ZFAT: variants seen among roughly 807,000 people sequenced by gnomAD.
ZFAT encodes the protein zinc finger protein ZFAT.
Under a neutral mutation model 117.7 loss-of-function variants are expected in ZFAT, and 64 were observed. The observed-to-expected ratio is 0.54, with a 90% confidence interval of 0.44 to 0.67. ZFAT has a LOEUF of 0.67. Among genes scored for constraint, ZFAT ranks in the 30% least tolerant of loss-of-function variants. The probability of loss-of-function intolerance (pLI) is 0.00; values close to 1 mark genes in which losing one functional copy is unlikely to be tolerated. For missense variants in ZFAT, 1,433 were observed against 1,584.5 expected, an observed-to-expected ratio of 0.90 and a Z score of 1.62; for synonymous variants, 679 against 615.0, an observed-to-expected ratio of 1.10 and a Z score of -1.54.
the ZFAT span, among the ~76,000 whole-genome samples, chr8:134,802,456 G>C: frequency 8.5e-5 from 13 of 152,336 alleles, no homozygotes; most frequent in Admixed American, 3.3e-4. Context: ...TCAAGCCCAT[G>C]ACTCATGTAG....
chr8:134,698,512 G>A (rs1207285140), intron 1 of ZFAT, among the ~76,000 whole-genome samples: 1 of 152,124 alleles, frequency 6.6e-6, no homozygotes, highest in East Asian at 1.9e-4. Context: ...CAATAATAAA[G>A]AATGCCCTGA....
At chr8:134,694,969 A>C (rs894396421) in intron 1 of ZFAT, among the ~76,000 whole-genome samples, 9 of 152,276 alleles carry the variant, frequency 5.9e-5, no homozygotes, top group African/African-American at 2.2e-4. Context: ...ACATCTCCAC[A>C]TTGGAAAAAA....
intron 5 of ZFAT, among the ~76,000 whole-genome samples, chr8:134,604,888 T>A (rs1164975386): frequency 6.6e-6 from 1 of 152,188 alleles, no homozygotes; most frequent in Non-Finnish European, 1.5e-5. Context: ...CAGAAGGTGA[T>A]ACATATTATT....
the ZFAT span, chr8:134,794,381 C>A: frequency 1.3e-5 from 2 of 152,190 alleles, no homozygotes; most frequent in Non-Finnish European, 2.9e-5. Context: ...GGTATAAGTT[C>A]AAATCCCAGG....
the ZFAT span, among the ~76,000 whole-genome samples, chr8:134,727,277 C>T: frequency 2.8e-4 from 43 of 152,222 alleles, no homozygotes; most frequent in African/African-American, 9.6e-4. Context: ...TAAGAAGGAG[C>T]CAGGCTGGTG....
chr8:134,561,663 C>T (rs1824059966), intron 11 of ZFAT, among the ~76,000 whole-genome samples: 1 of 152,220 alleles, frequency 6.6e-6, no homozygotes, highest in East Asian at 1.9e-4. Flanking sequence ...GTAAATTGTA[C>T]ATCTACATCT....
chr8:134,818,490 T>C, the ZFAT span, among the ~76,000 whole-genome samples: 1 of 152,202 alleles, frequency 6.6e-6, no homozygotes, highest in Non-Finnish European at 1.5e-5. Flanking sequence ...CTGGTGGGAA[T>C]GTAAAATGGT....
At chr8:134,817,412 C>CACACAA in the ZFAT span, among the ~76,000 whole-genome samples, 1 of 115,428 alleles carries the variant, frequency 8.7e-6, no homozygotes, top group African/African-American at 2.9e-5. Context: ...CACACACACA[C>CACACAA]ACACACACAC....
the ZFAT span, among the ~76,000 whole-genome samples, chr8:134,761,028 C>T: frequency 6.6e-6 from 1 of 152,166 alleles, no homozygotes; most frequent in Admixed American, 6.5e-5. Flanking sequence ...CTTTCCTGGT[C>T]TTTTATCTTA....
At chr8:134,496,031 C>T (rs769688881) in intron 15 of ZFAT, among the ~76,000 whole-genome samples, 2 of 152,178 alleles carry the variant, frequency 1.3e-5, no homozygotes, top group African/African-American at 2.4e-5. Flanking sequence ...TAAATGGAAG[C>T]GACCAGAAGC....
chr8:134,669,147 G>A (rs1006825892), intron 1 of ZFAT, among the ~76,000 whole-genome samples: 4 of 152,172 alleles, frequency 2.6e-5, no homozygotes, highest in Non-Finnish European at 5.9e-5. Context: ...GAAAGTGACG[G>A]GGAGAATGGA....
At chr8:134,738,251 T>C in the ZFAT span, among the ~76,000 whole-genome samples, 132,373 of 151,958 alleles carry the variant, frequency 0.87, 57,911 homozygotes, top group Non-Finnish European at 0.89. Context: ...GCCTCCTCTC[T>C]CAATATCACC....
intron 2 of ZFAT, among the ~76,000 whole-genome samples, chr8:134,638,656 A>G (rs1204745853): frequency 6.6e-6 from 1 of 150,500 alleles, no homozygotes; most frequent in African/African-American, 2.5e-5. Flanking sequence ...GTGAACTGGG[A>G]GGCAGAGCTT....
chr8:134,754,441 C>T, the ZFAT span, among the ~76,000 whole-genome samples: 2 of 152,192 alleles, frequency 1.3e-5, no homozygotes, highest in Non-Finnish European at 2.9e-5. Flanking sequence ...AGGCCAAGGT[C>T]GTCCAGTCAG....
At chr8:134,527,036 G>A (rs947983790) in intron 12 of ZFAT, among the ~76,000 whole-genome samples, 2 of 151,760 alleles carry the variant, frequency 1.3e-5, no homozygotes, top group East Asian at 3.9e-4. Flanking sequence ...AGGTCATTCT[G>A]GTTTCTCCGA....
At chr8:134,665,706 T>C (rs1832182022) in intron 1 of ZFAT, among the ~76,000 whole-genome samples, 1 of 53,576 alleles carries the variant, frequency 1.9e-5, no homozygotes, top group East Asian at 5.0e-4. Flanking sequence ...GTGTGGTGTC[T>C]GTATCCTTCC....
chr8:134,538,837 A>G (rs1248830190), intron 11 of ZFAT, among the ~76,000 whole-genome samples: 1 of 151,472 alleles, frequency 6.6e-6, no homozygotes, highest in Non-Finnish European at 1.5e-5. Flanking sequence ...AAAGACGTAC[A>G]TTGAAGATTT....
At chr8:134,824,398 A>G in the ZFAT span, among the ~76,000 whole-genome samples, 2 of 152,226 alleles carry the variant, frequency 1.3e-5, no homozygotes, top group Non-Finnish European at 2.9e-5. Context: ...AAGTGATAAG[A>G]GCAAATATGG....
chr8:134,627,383 G>A (rs185920960), intron 3 of ZFAT, among the ~76,000 whole-genome samples: 4 of 152,218 alleles, frequency 2.6e-5, no homozygotes, highest in African/African-American at 9.6e-5. Flanking sequence ...TGGCTCCAAG[G>A]TTTCCAATTC....
Sources: allele counts gnomAD v4.1 joint callset (sites outside exome capture counted in the v4.1 genomes callset), GRCh38; gene constraint gnomAD v4.1.1; transcripts MANE v1.5; gene names NCBI Gene and HGNC (gene_info 2026-07-23, HGNC 2026-07-21).